MAP3K9: variants seen among roughly 807,000 people sequenced by gnomAD.
The protein encoded by MAP3K9 is mitogen-activated protein kinase kinase kinase 9, also known as mixed lineage kinase 1 (tyr and ser/thr specificity).
MAP3K9 carries 46 observed loss-of-function variants against 95.8 expected under a neutral mutation model. That is an observed-to-expected ratio of 0.48 (90% confidence interval 0.38 to 0.61). MAP3K9 has a LOEUF of 0.61. MAP3K9 is among the 20% of genes least tolerant of loss of function. MAP3K9 has a pLI of 0.00. For missense variants in MAP3K9, 1,296 were observed against 1,474.3 expected (o/e 0.88, Z 1.98); for synonymous variants, 533 against 593.8 (o/e 0.90, Z 1.49).
intron 11 of MAP3K9, among the ~76,000 whole-genome samples, chr14:70,731,453 GA>G (rs1023613157): frequency 6.6e-6 from 1 of 151,890 alleles, no homozygotes; most frequent in African/African-American, 2.4e-5. Context: ...TCAAAAAAAA[GA>G]AAAAAAGGTA....
At chr14:70,745,737 CAAA>C (rs1217101409) in intron 5 of MAP3K9, among the ~76,000 whole-genome samples, 2 of 110,868 alleles carry the variant, frequency 1.8e-5, no homozygotes, top group African/African-American at 3.3e-5. Flanking sequence ...GACTCTGTCT[CAAA>C]AAAAAAAAAA....
intron 1 of MAP3K9, among the ~76,000 whole-genome samples, chr14:70,802,028 A>G (rs2054935958): frequency 6.6e-6 from 1 of 152,224 alleles, no homozygotes; most frequent in Non-Finnish European, 1.5e-5. Flanking sequence ...ATCACATTGT[A>G]AACAAGAGGA....
chr14:70,796,481 G>A (rs117022268), intron 2 of MAP3K9, among the ~76,000 whole-genome samples: 2,844 of 152,256 alleles, frequency 0.019, 37 homozygotes, highest in Non-Finnish European at 0.03. Flanking sequence ...AAGACTGCTA[G>A]CTGCCAATTC....
intron 2 of MAP3K9, among the ~76,000 whole-genome samples, chr14:70,776,717 T>C (rs757802896): frequency 1.3e-5 from 2 of 151,886 alleles, no homozygotes; most frequent in African/African-American, 4.8e-5. Context: ...GGGCCCCAAA[T>C]AAAGCATTCT....
chr14:70,755,354 T>C (rs901081937), intron 3 of MAP3K9, among the ~76,000 whole-genome samples: 3 of 152,198 alleles, frequency 2.0e-5, no homozygotes, highest in Admixed American at 6.5e-5. Context: ...AACAGGACCA[T>C]ACAGATGGTG....
intron 10 of MAP3K9, 102 bp downstream of exon 10, chr14:70,734,284 T>C (rs1308852815): frequency 2.5e-5 from 20 of 789,574 alleles, no homozygotes; most frequent in Middle Eastern, 3.3e-4. Flanking sequence ...GTTTCCTCCA[T>C]GAAGCAGTGC....
intron 3 of MAP3K9, among the ~76,000 whole-genome samples, chr14:70,758,539 ACTC>A (rs1420040069): frequency 6.6e-6 from 1 of 152,150 alleles, no homozygotes; most frequent in African/African-American, 2.4e-5. Flanking sequence ...CAGCAATTCC[ACTC>A]CTAGGGATAG....
In MAP3K9 at chr14:70,727,868, C is replaced by G. The variant is rs1328852275; in HGVS notation, c.*2512G>C. 6.6e-6 allele frequency: 1 copy of G among 152,216 alleles called. No homozygotes were observed. Among genetic ancestry groups the G allele is most frequent in the Non-Finnish European group, 1.5e-5 (1 of 68,046 alleles). 9.4% of individuals were successfully genotyped at this position (152,216 alleles called of 1,614,324 possible). A position where few individuals can be genotyped will look rare whatever the true frequency, so the allele number is the denominator to read the frequency against. On this transcript the variant is annotated 3_prime_UTR_variant, in exon 12 of 12. Coordinates refer to ENST00000554752, the MANE Select transcript of MAP3K9 (RefSeq NM_001284230.2). ...CAACCTCTCACTCAATGGCAGGTGA[C>G]CATCATTCAGTTACACTACATCAGT... is the stretch of plus-strand genomic sequence containing the variant.
At chr14:70,772,994 T>TA (rs1019502922) in intron 2 of MAP3K9, among the ~76,000 whole-genome samples, 3 of 152,154 alleles carry the variant, frequency 2.0e-5, no homozygotes, top group African/African-American at 7.2e-5. Flanking sequence ...AAGAAAATAC[T>TA]AAACACCCTA....
At chr14:70,759,906 C>T (rs532876704) in intron 3 of MAP3K9, among the ~76,000 whole-genome samples, 1 of 152,160 alleles carries the variant, frequency 6.6e-6, no homozygotes, top group African/African-American at 2.4e-5. Flanking sequence ...AGGTGCATGC[C>T]ACCACACCTG....
intron 2 of MAP3K9, among the ~76,000 whole-genome samples, chr14:70,790,118 G>A (rs1057382191): frequency 1.3e-5 from 2 of 152,186 alleles, no homozygotes; most frequent in Non-Finnish European, 2.9e-5. Context: ...CTCCAGGATG[G>A]TTCATGTGAC....
intron 3 of MAP3K9, among the ~76,000 whole-genome samples, chr14:70,753,574 C>T (rs2054259218): frequency 1.3e-5 from 2 of 152,112 alleles, no homozygotes; most frequent in Admixed American, 1.3e-4. Flanking sequence ...CTTAGTTGCC[C>T]TCCCAAGGTT....
At chr14:70,785,794 C>T (rs932332635) in intron 2 of MAP3K9, among the ~76,000 whole-genome samples, 2 of 152,152 alleles carry the variant, frequency 1.3e-5, no homozygotes, top group Admixed American at 1.3e-4. Context: ...ACATCCCACA[C>T]AAGAAGGGGT....
In MAP3K9 at chr14:70,809,328, G is replaced by C. The variant is rs889028254; in HGVS notation, c.-157C>G. On this transcript the variant is annotated 5_prime_UTR_variant, in exon 1 of 12. Coordinates refer to ENST00000554752, the MANE Select transcript of MAP3K9 (RefSeq NM_001284230.2). ...GCAGGGCTGGGAGAGCCGGCTCGCC[G>C]GCGCTGTTACCGCGGTACGAGAAGA... 1.0e-6 allele frequency: 1 copy of C among 980,936 alleles called. No individual in the cohort carries two copies. Among genetic ancestry groups the C allele is most frequent in the Non-Finnish European group, 1.3e-6 (1 of 758,680 alleles). 60.8% of individuals were successfully genotyped at this position (980,936 alleles called of 1,614,324 possible). A position where few individuals can be genotyped will look rare whatever the true frequency, so the allele number is the denominator to read the frequency against.
rs544356371 is a variant in MAP3K9 at position 70,730,131 on chromosome 14, A to AC, written c.*248dup. Reference sequence around the variant, plus strand: ...TGTGGAGGGTGGGGGACATGCATGCACCCCTTCCTCCCCTACACAGCCAGA... The same window carrying AC: ...TGTGGAGGGTGGGGGACATGCATGCACCCCCTTCCTCCCCTACACAGCCAGA... On this transcript the variant is annotated 3_prime_UTR_variant, in exon 12 of 12. Transcript: ENST00000554752. The AC allele has an allele frequency of 8.5e-4, 441 of 519,262 alleles. No homozygotes were observed. The highest frequency in any genetic ancestry group is 7.5e-3 in the African/African-American group (394 of 52,410). 32.2% of individuals were successfully genotyped at this position (519,262 alleles called of 1,614,324 possible).
intron 2 of MAP3K9, among the ~76,000 whole-genome samples, chr14:70,779,090 C>A (rs1255446425): frequency 6.6e-6 from 1 of 152,134 alleles, no homozygotes; most frequent in East Asian, 1.9e-4. Flanking sequence ...GGCTGAGGGG[C>A]CTTGACATAT....
chr14:70,765,353 T>C, intron 2 of MAP3K9: 1 of 445,918 alleles, frequency 2.2e-6, no homozygotes, highest in Non-Finnish European at 4.0e-6. Flanking sequence ...TTTATAAATT[T>C]AGTGTAGCCT....
intron 2 of MAP3K9, among the ~76,000 whole-genome samples, chr14:70,794,812 GA>G (rs1229696458): frequency 2.0e-5 from 3 of 151,442 alleles, no homozygotes; most frequent in Non-Finnish European, 4.4e-5. Context: ...CAAGTAGCTT[GA>G]ACTACAGGCA....
intron 2 of MAP3K9, among the ~76,000 whole-genome samples, chr14:70,779,094 G>C (rs920841243): frequency 6.6e-6 from 1 of 152,198 alleles, no homozygotes; most frequent in Non-Finnish European, 1.5e-5. Context: ...GAGGGGCCTT[G>C]ACATATCTAA....
Sources: gnomAD v4.1 joint callset for allele counts (sites outside exome capture counted in the v4.1 genomes callset) on GRCh38, gnomAD v4.1.1 for gene constraint, MANE v1.5 for transcripts, NCBI Gene and HGNC (gene_info 2026-07-23, HGNC 2026-07-21) for gene names.